The following PTPRG variants were observed in gnomAD, a reference collection of about 807,000 sequenced individuals.
PTPRG encodes the protein protein tyrosine phosphatase receptor type G.
In PTPRG, 102 loss-of-function variants were observed where a neutral mutation model predicts 165.3. That is an observed-to-expected ratio of 0.62 (90% CI 0.53 to 0.73). The LOEUF is 0.73. PTPRG is among the 30% of genes least tolerant of loss of function. The probability of loss-of-function intolerance (pLI) is 0.00; values close to 1 mark genes in which losing one functional copy is unlikely to be tolerated. For missense variants in PTPRG, 1,866 were observed against 1,861.4 expected, an observed-to-expected ratio of 1.00 and a Z score of -0.05; for synonymous variants, 675 against 669.5, an observed-to-expected ratio of 1.01 and a Z score of -0.13.
intron 1 of PTPRG, among the ~76,000 whole-genome samples, chr3:61,690,311 C>A (rs146494102): frequency 1.3e-5 from 2 of 152,166 alleles, no homozygotes; most frequent in African/African-American, 4.8e-5. Context: ...GCAAAGACCC[C>A]CTAAGGAACA....
chr3:62,218,815 C>T (rs765173022), intron 12 of PTPRG, 36 bp from the exon 13 acceptor site: 15 of 1,600,696 alleles, frequency 9.4e-6, no homozygotes, highest in Non-Finnish European at 1.3e-5. Flanking sequence ...CCTCCACTAA[C>T]CTCTGTCCTC....
intron 2 of PTPRG, among the ~76,000 whole-genome samples, chr3:61,893,408 A>T (rs1281526174): frequency 6.6e-6 from 1 of 152,182 alleles, no homozygotes; most frequent in African/African-American, 2.4e-5. Context: ...AGTCAATGTC[A>T]ATATCTCTTT....
chr3:61,940,111 T>C (rs1370631172), intron 2 of PTPRG, among the ~76,000 whole-genome samples: 1 of 151,926 alleles, frequency 6.6e-6, no homozygotes, highest in Non-Finnish European at 1.5e-5. Context: ...CATGCCTGGC[T>C]GATTTTTGTA....
chr3:62,007,637 T>A (rs969287160), intron 4 of PTPRG, among the ~76,000 whole-genome samples: 1 of 152,214 alleles, frequency 6.6e-6, no homozygotes, highest in African/African-American at 2.4e-5. Flanking sequence ...CTTCAAGGTA[T>A]TTACACTCCA....
chr3:61,900,243 G>C (rs1010137625), intron 2 of PTPRG, among the ~76,000 whole-genome samples: 2 of 151,974 alleles, frequency 1.3e-5, no homozygotes, highest in African/African-American at 4.8e-5. Flanking sequence ...TAATGCTGAC[G>C]CTAACCTCTA....
At chr3:61,970,666 G>C (rs1009029628) in intron 2 of PTPRG, among the ~76,000 whole-genome samples, 4 of 143,550 alleles carry the variant, frequency 2.8e-5, no homozygotes, top group Non-Finnish European at 6.1e-5. Flanking sequence ...TTTTTTTTAA[G>C]TGGATGTTCA....
chr3:62,277,648 TC>T lies in PTPRG; in HGVS notation c.3735del (p.Ile1246LeufsTer25). Reference protein sequence around the residue: ...WRMIWDHNAQIIVMLPDNQSL... With the variant: ...WRMIWDHNAQXIVMLPDNQSL... ...ATGATTTGGGATCATAACGCACAGA[TC>T]ATTGTCATGCTGCCAGACAACCAGA... On this transcript the variant is annotated frameshift_variant, in exon 26 of 30. Coordinates refer to ENST00000474889, the MANE Select transcript of PTPRG (RefSeq NM_002841.4). LOFTEE classifies it high-confidence loss of function. 6.2e-7 allele frequency: 1 copy of T among 1,612,776 alleles called. No individual in the cohort carries two copies. The highest frequency in any genetic ancestry group is 8.5e-7 in the Non-Finnish European group (1 of 1,179,314).
rs1207580754 is a variant in PTPRG at position 62,043,964 on chromosome 3, CTG to C, written c.520-34196_520-34195del. 3.3e-5 allele frequency among the ~76,000 whole-genome samples: 5 copies of C among 152,170 alleles called. No individual in the cohort carries two copies. The South Asian group carries it at 1.0e-3, about 32-fold the overall frequency. On this transcript the variant is annotated intron_variant, in intron 4 of 29. Coordinates refer to ENST00000474889, the MANE Select transcript of PTPRG (RefSeq NM_002841.4). The stretch of plus-strand genomic sequence containing the variant: ...AGGGAGCTAGAAGCAACATGAAAGA[CTG>C]TGGTGAAAATTTTCAATTTTCTCTG...
intron 2 of PTPRG, among the ~76,000 whole-genome samples, chr3:61,925,476 G>A (rs1208211705): frequency 6.6e-5 from 10 of 152,222 alleles, no homozygotes; most frequent in Admixed American, 6.5e-4. Context: ...GGGTGCAGTG[G>A]CTCACACTTG....
At chr3:62,041,503 T>C (rs1442434626) in intron 4 of PTPRG, among the ~76,000 whole-genome samples, 1 of 152,194 alleles carries the variant, frequency 6.6e-6, no homozygotes, top group Middle Eastern at 3.2e-3. Context: ...TTTTGTAATG[T>C]GAGGAAATTC....
At chr3:61,586,587 A>G (rs936390670) in intron 1 of PTPRG, among the ~76,000 whole-genome samples, 8 of 152,194 alleles carry the variant, frequency 5.3e-5, no homozygotes, top group Non-Finnish European at 8.8e-5. Context: ...AAAAGTTGCT[A>G]CTTTTGAGAG....
chr3:61,748,723 A>G (rs1044773172), intron 1 of PTPRG, among the ~76,000 whole-genome samples, 155 bp from the exon 2 acceptor site: 1 of 95,272 alleles, frequency 1.0e-5, no homozygotes, highest in Non-Finnish European at 2.1e-5. Flanking sequence ...GGACTTTCCT[A>G]TAGTTTTTTT....
At chr3:62,221,907 C>T (rs1700659672) in intron 13 of PTPRG, among the ~76,000 whole-genome samples, 1 of 152,246 alleles carries the variant, frequency 6.6e-6, no homozygotes, top group Admixed American at 6.5e-5. Context: ...TCCCGCTGTA[C>T]AGTGGTGTTA....
In PTPRG at chr3:61,758,513, A is replaced by G. The variant is rs747012790; in HGVS notation, c.190+9531A>G. Among the ~76,000 whole-genome samples, 105 of 152,086 alleles carry G rather than the reference A, an allele frequency of 6.9e-4. 2 individuals are homozygous for G. The highest frequency in any genetic ancestry group is 2.5e-4 in the Non-Finnish European group (17 of 68,030). On this transcript the variant is annotated intron_variant, in intron 2 of 29. Transcript: ENST00000474889. ...GTTGCCCAGGCTGGAGTGAAGTGGC[A>G]CAATCTTAGTTCACTGCAACCTCTG...
At chr3:61,869,660 C>G (rs2037508843) in intron 2 of PTPRG, among the ~76,000 whole-genome samples, 1 of 151,990 alleles carries the variant, frequency 6.6e-6, no homozygotes, top group African/African-American at 2.4e-5. Flanking sequence ...CTTACTGCAG[C>G]CTCAACCTCC....
intron 1 of PTPRG, among the ~76,000 whole-genome samples, chr3:61,589,463 C>T (rs1019327167): frequency 6.6e-6 from 1 of 152,230 alleles, no homozygotes; most frequent in Non-Finnish European, 1.5e-5. Flanking sequence ...AAGATACTGT[C>T]TCTGCCATAG....
chr3:61,833,865 G>C (rs1181844627), intron 2 of PTPRG, among the ~76,000 whole-genome samples: 3 of 152,032 alleles, frequency 2.0e-5, no homozygotes, highest in African/African-American at 7.2e-5. Flanking sequence ...GCGCCCAGCC[G>C]TGTTGAAGTG....
Position 62,294,248 on chromosome 3 carries a change from A to G in PTPRG, c.*941A>G, listed in dbSNP as rs1287320710. The G allele has an allele frequency of 6.6e-6, 1 of 152,118 alleles. No homozygotes were observed. Among genetic ancestry groups the G allele is most frequent in the Non-Finnish European group, 1.5e-5 (1 of 67,988 alleles). The allele number at this position is 152,118 out of a possible 1,614,324, so 9.4% of individuals were successfully genotyped here. On this transcript the variant is annotated 3_prime_UTR_variant, in exon 30 of 30. Coordinates refer to ENST00000474889, the MANE Select transcript of PTPRG (RefSeq NM_002841.4). ...GTGTAATTTTGAAACTAGTCCTCTA[A>G]AAATTCCCTATTACTCCTATAGCAA...
intron 2 of PTPRG, among the ~76,000 whole-genome samples, chr3:61,773,400 T>C (rs1032554117): frequency 6.6e-6 from 1 of 152,168 alleles, no homozygotes; most frequent in African/African-American, 2.4e-5. Context: ...GTAATAATAA[T>C]AAAAGATTCC....
Sources: gnomAD v4.1 joint callset for allele counts (sites outside exome capture counted in the v4.1 genomes callset) on GRCh38, gnomAD v4.1.1 for gene constraint, MANE v1.5 for transcripts, NCBI Gene and HGNC (gene_info 2026-07-23, HGNC 2026-07-21) for gene names.